The following TESPA1 variants were observed in gnomAD, a reference collection of about 807,000 sequenced individuals.
TESPA1 encodes the protein thymocyte expressed, positive selection associated 1, also known as protein TESPA1.
In TESPA1, 33 loss-of-function variants were observed where a neutral mutation model predicts 57.9. The observed-to-expected ratio is 0.57, with a 90% CI of 0.43 to 0.76. TESPA1 has a LOEUF of 0.76. Ranked by LOEUF, TESPA1 falls within the 30% of genes least tolerant of loss-of-function variation. The probability of loss-of-function intolerance (pLI) is 0.00; values close to 1 mark genes in which losing one functional copy is unlikely to be tolerated. For missense variants in TESPA1, 618 were observed against 632.9 expected, an observed-to-expected ratio of 0.98 and a Z score of 0.25; for synonymous variants, 227 against 228.9, an observed-to-expected ratio of 0.99 and a Z score of 0.07.
At chr12:54,963,721 G>A in intron 8 of TESPA1, 21 bp downstream of exon 8, 2 of 1,603,160 alleles carry the variant, frequency 1.2e-6, no homozygotes, top group East Asian at 2.2e-5. Flanking sequence ...AGTAGAGCAG[G>A]TGCCTGGGAG....
chr12:54,963,516 C>A (rs1951218543), intron 8 of TESPA1, among the ~76,000 whole-genome samples: 2 of 152,080 alleles, frequency 1.3e-5, no homozygotes, highest in Non-Finnish European at 1.5e-5. Flanking sequence ...GGCAAGAAGG[C>A]CTAAAGGAAG....
chr12:54,968,049 C>T, intron 3 of TESPA1, 157 bp from the exon 4 acceptor site: 2 of 1,517,274 alleles, frequency 1.3e-6, no homozygotes, highest in East Asian at 5.0e-5. Flanking sequence ...AGAGTGGTTA[C>T]TTGTCTGAAA....
Position 54,948,384 on chromosome 12 carries a change from C to T in TESPA1, c.*2008G>A, listed in dbSNP as rs1014895860. ...GCCTGACAGTTTGGATCTGTGTCCTCACCCAAATCTCATGTCAAACTGTAA... is the reference window on the plus strand; with the variant it reads ...GCCTGACAGTTTGGATCTGTGTCCTTACCCAAATCTCATGTCAAACTGTAA... On this transcript the variant is annotated 3_prime_UTR_variant, in exon 11 of 11. Transcript: ENST00000449076. 4 of 170,480 alleles carry T rather than the reference C, an allele frequency of 2.3e-5. No individual in the cohort carries two copies. Among genetic ancestry groups the T allele is most frequent in the Non-Finnish European group, 3.7e-5 (3 of 81,118 alleles). 10.6% of individuals were successfully genotyped at this position (170,480 alleles called of 1,614,324 possible).
At chr12:54,967,140 A>T (rs957991457) in intron 5 of TESPA1, 43 bp downstream of exon 5, 1 of 1,607,614 alleles carries the variant, frequency 6.2e-7, no homozygotes, top group Non-Finnish European at 8.5e-7. Flanking sequence ...TACAATGTAT[A>T]TCCTGTTTTC....
At chr12:54,967,135 T>C in intron 5 of TESPA1, 48 bp downstream of exon 5, 2 of 1,603,788 alleles carry the variant, frequency 1.2e-6, no homozygotes, top group South Asian at 2.2e-5. Flanking sequence ...ATTCATACAA[T>C]GTATATCCTG....
chr12:54,981,184 G>A (rs1466923158), intron 1 of TESPA1, among the ~76,000 whole-genome samples: 1 of 152,096 alleles, frequency 6.6e-6, no homozygotes, highest in Admixed American at 6.5e-5. Context: ...ATGTATAAAG[G>A]TGGTGCTTAA....
chr12:54,948,434 G>T lies in TESPA1; in HGVS notation c.*1958C>A, dbSNP rs1430822292. The T allele has an allele frequency of 1.3e-5, 2 of 155,376 alleles. No homozygotes were observed. The highest frequency in any genetic ancestry group is 4.8e-5 in the African/African-American group (2 of 41,502). The allele number at this position is 155,376 out of a possible 1,614,324, so 9.6% of individuals were successfully genotyped here. ...ATCCCCATTGTTGGAGGTGGGGCCT[G>T]GTGGGTGGTGATTGGATTACTGGGT... On this transcript the variant is annotated 3_prime_UTR_variant, in exon 11 of 11. Transcript: ENST00000449076.
intron 1 of TESPA1, among the ~76,000 whole-genome samples, chr12:54,977,299 C>T (rs1033017388): frequency 6.6e-6 from 1 of 152,034 alleles, no homozygotes; most frequent in African/African-American, 2.4e-5. Context: ...CTCATAGGAG[C>T]CCAGTGCCTT....
intron 1 of TESPA1, among the ~76,000 whole-genome samples, chr12:54,978,444 T>C (rs1592425999): frequency 1.3e-5 from 2 of 152,356 alleles, no homozygotes; most frequent in Non-Finnish European, 2.9e-5. Flanking sequence ...GTTTGAAATA[T>C]GCATAGGAAT....
At chr12:54,950,754 G>T (rs2136000091) in intron 10 of TESPA1, among the ~76,000 whole-genome samples, 1 of 152,220 alleles carries the variant, frequency 6.6e-6, no homozygotes, top group South Asian at 2.1e-4. Context: ...AACTAGCAAT[G>T]CATTTTCTAT....
chr12:54,966,305 C>G, intron 6 of TESPA1, 83 bp downstream of exon 6: 1 of 1,602,600 alleles, frequency 6.2e-7, no homozygotes, highest in Non-Finnish European at 8.5e-7. Flanking sequence ...ATCTTTAGCT[C>G]TTTATTTTAA....
rs566544195 is a variant in TESPA1, at chr12:54,950,285, G to A, written c.*107C>T. 8 of 456,778 alleles carry A rather than the reference G, an allele frequency of 1.8e-5. No individual in the cohort carries two copies. Among genetic ancestry groups the A allele is most frequent in the Non-Finnish European group, 3.5e-5 (8 of 226,976 alleles). 28.3% of individuals were successfully genotyped at this position (456,778 alleles called of 1,614,324 possible). A position where few individuals can be genotyped will look rare whatever the true frequency, so the allele number is the denominator to read the frequency against. ...GGGGGTTTGGAGGACCAAGGAGTAG[G>A]GGCTGGATGTTGAGGGCAGTGCAGT... On this transcript the variant is annotated 3_prime_UTR_variant, in exon 11 of 11. Transcript: ENST00000449076.
In TESPA1 at chr12:54,950,205, C is replaced by T. The variant is rs887484339; in HGVS notation, c.*187G>A. On this transcript the variant is annotated 3_prime_UTR_variant, in exon 11 of 11. Coordinates refer to ENST00000449076, the MANE Select transcript of TESPA1 (RefSeq NM_001136030.3). The stretch of plus-strand genomic sequence containing the variant: ...CAGCATTAGGATGTGGATTCCAAAT[C>T]GCTCAGTCTGGTCTTCCTCCCCATG... 1.0e-4 allele frequency: 45 copies of T among 450,296 alleles called. 1 individual carries two copies. In the Admixed American group the frequency reaches 1.0e-3, roughly 10 times the overall value. 27.9% of individuals were successfully genotyped at this position (450,296 alleles called of 1,614,324 possible).
rs376869749 is a variant in TESPA1 at position 54,949,071 on chromosome 12, G to A, written c.*1321C>T. 1.5e-5 allele frequency: 2 copies of A among 134,692 alleles called. No individual in the cohort carries two copies. The highest frequency in any genetic ancestry group is 2.0e-4 in the East Asian group (1 of 5,038). 8.3% of individuals were successfully genotyped at this position (134,692 alleles called of 1,614,324 possible). On this transcript the variant is annotated 3_prime_UTR_variant, in exon 11 of 11. Coordinates refer to ENST00000449076, the MANE Select transcript of TESPA1 (RefSeq NM_001136030.3). ...GTCTCCTGGTTTCTGTGGGTGGGAAGGGTAGGAAACTTGGAGTGGGGGGGC... is the reference window on the plus strand; with the variant it reads ...GTCTCCTGGTTTCTGTGGGTGGGAAAGGTAGGAAACTTGGAGTGGGGGGGC...
At chr12:54,973,709 C>T (rs1951990368) in intron 2 of TESPA1, 190 bp from the exon 3 acceptor site, 1 of 1,352,794 alleles carries the variant, frequency 7.4e-7, no homozygotes, top group Non-Finnish European at 9.5e-7. Flanking sequence ...TCTTCTCTCT[C>T]TCTGCTTCTT....
At chr12:54,961,092 T>TAAA in intron 10 of TESPA1, 76 bp downstream of exon 10, 5 of 1,287,298 alleles carry the variant, frequency 3.9e-6, no homozygotes, top group Non-Finnish European at 5.4e-6. Flanking sequence ...ATTATGGGTT[T>TAAA]AAAAAAAAAA....
At position 54,969,406 on chromosome 12, in the gene TESPA1, GC is replaced by G. The variant is rs1431706522; in HGVS notation, c.207-1515del. Among the ~76,000 whole-genome samples the G allele has an allele frequency of 3.3e-5, 5 of 152,078 alleles. No homozygotes were observed. The East Asian group carries it at 9.7e-4, about 29-fold the overall frequency. ...ATTGCAATTTACTACTGTATTTAAT[GC>G]TTGTGTTGTAGCTGCACAGTAGTGC... is the stretch of plus-strand genomic sequence containing the variant. On this transcript the variant is annotated intron_variant, in intron 3 of 10. Transcript: ENST00000449076.
chr12:54,969,885 G>T (rs986684377), intron 3 of TESPA1, among the ~76,000 whole-genome samples: 4 of 152,154 alleles, frequency 2.6e-5, no homozygotes, highest in African/African-American at 9.7e-5. Flanking sequence ...TTTCATGGGT[G>T]TATTCCCTTT....
rs1448289475 is a variant in TESPA1 at position 54,963,200 on chromosome 12, G to A, written c.698C>T (p.Ala233Val). 4 of 1,613,532 alleles carry A rather than the reference G, an allele frequency of 2.5e-6. No homozygotes were observed. In the African/African-American group the frequency reaches 4.0e-5, roughly 16 times the overall value. Residue 233 changes from alanine to valine, a missense_variant, in exon 9 of 11, where the codon GCC becomes GTC. Transcript: ENST00000449076. ...QVQTLAVTAD[A>V]FFCLYSYVSK... ...CACATAGGAGTAGAGACAGAAGAAG[G>A]CATCAGCAGTGACAGCCAGTGTTTG...
Sources: gnomAD v4.1 joint callset for allele counts (sites outside exome capture counted in the v4.1 genomes callset) on GRCh38, gnomAD v4.1.1 for gene constraint, MANE v1.5 for transcripts, NCBI Gene and HGNC (gene_info 2026-07-23, HGNC 2026-07-21) for gene names.